The following DDAH1 variants were observed in gnomAD, a reference collection of about 807,000 sequenced individuals.
The protein encoded by DDAH1 is dimethylarginine dimethylaminohydrolase 1, also known as N(G),N(G)-dimethylarginine dimethylaminohydrolase 1.
Under a neutral mutation model 28.8 loss-of-function variants are expected in DDAH1, and 19 were observed. The observed-to-expected ratio is 0.66, with a 90% confidence interval of 0.46 to 0.97. The LOEUF (loss-of-function observed/expected upper bound fraction) is 0.97. Ranked by LOEUF, DDAH1 falls within the 50% of genes least tolerant of loss-of-function variation. The pLI is 0.00. For synonymous variants in DDAH1, 153 were observed against 154.4 expected (o/e 0.99, Z 0.07); for missense variants, 326 against 375.9 (o/e 0.87, Z 1.10).
chr1:85,474,095 T>C (rs1655712676), intron 2 of DDAH1, among the ~76,000 whole-genome samples: 1 of 152,228 alleles, frequency 6.6e-6, no homozygotes, highest in African/African-American at 2.4e-5. Context: ...ATCTGAGTGT[T>C]ATCCTTTGGC....
Position 85,358,861 on chromosome 1 carries a change from A to G in DDAH1, c.304-14T>C, listed in dbSNP as rs375609758. 3.2e-6 allele frequency: 5 copies of G among 1,554,556 alleles called. No individual in the cohort carries two copies. The highest frequency in any genetic ancestry group is 4.4e-6 in the Non-Finnish European group (5 of 1,138,606). ...CATCATGTCAACCTGTTGAAAATAA[A>G]ATGATTCAGATTACTATGCTACAAT... On this transcript the variant is annotated splice_polypyrimidine_tract_variant and intron_variant, in intron 1 of 5. Transcript: ENST00000284031.
chr1:85,484,557 C>T (rs193209839), intron 2 of DDAH1, among the ~76,000 whole-genome samples: 14 of 152,240 alleles, frequency 9.2e-5, no homozygotes, highest in African/African-American at 2.4e-4. Context: ...GTCCTCTGAG[C>T]TCTGCTAGTC....
chr1:85,476,196 C>G (rs188196503), intron 2 of DDAH1, among the ~76,000 whole-genome samples: 2 of 152,296 alleles, frequency 1.3e-5, no homozygotes, highest in Non-Finnish European at 2.9e-5. Context: ...TTATTTTGCC[C>G]TTCACCTACT....
chr1:85,457,006 A>G (rs1480814253), intron 1 of DDAH1, among the ~76,000 whole-genome samples: 1 of 152,168 alleles, frequency 6.6e-6, no homozygotes, highest in Non-Finnish European at 1.5e-5. Flanking sequence ...GGGGTTCCAG[A>G]CCATTATGGA....
At chr1:85,465,424 G>T (rs911022801), upstream of DDAH1, among the ~76,000 whole-genome samples, 1 of 150,766 alleles carries the variant, frequency 6.6e-6, no homozygotes, top group Middle Eastern at 3.2e-3. Flanking sequence ...GGCGGTACCT[G>T]TGTTCTGTCG....
chr1:85,572,916 CT>C (rs1268924352), intron 1 of DDAH1, among the ~76,000 whole-genome samples: 1 of 152,202 alleles, frequency 6.6e-6, no homozygotes, highest in Non-Finnish European at 1.5e-5. Flanking sequence ...TGGATGGATC[CT>C]TTTAATCATA....
intron 2 of DDAH1, among the ~76,000 whole-genome samples, chr1:85,476,498 C>A (rs72724659): frequency 1.3e-5 from 2 of 151,884 alleles, no homozygotes; most frequent in Non-Finnish European, 2.9e-5. Context: ...CAGCTCACCC[C>A]CTCCACACAG....
At chr1:85,328,056 ATG>A (rs1647522653) in intron 4 of DDAH1, among the ~76,000 whole-genome samples, 1 of 152,216 alleles carries the variant, frequency 6.6e-6, no homozygotes, top group Non-Finnish European at 1.5e-5. Context: ...GGTATGGTCT[ATG>A]TCCAGAAACA....
At chr1:85,484,540 A>T (rs1331070780) in intron 2 of DDAH1, among the ~76,000 whole-genome samples, 3 of 152,146 alleles carry the variant, frequency 2.0e-5, no homozygotes, top group African/African-American at 7.2e-5. Context: ...TCTGTGTTTA[A>T]GGCTTGGTCC....
At position 85,441,105 on chromosome 1, in the gene DDAH1, T is replaced by C. The variant is rs151314753; in HGVS notation, c.303+23638A>G. 2.3e-4 allele frequency among the ~76,000 whole-genome samples: 35 copies of C among 152,360 alleles called. No individual in the cohort carries two copies. The East Asian group carries it at 5.4e-3, about 23-fold the overall frequency. On this transcript the variant is annotated intron_variant, in intron 1 of 5. Coordinates refer to ENST00000284031, the MANE Select transcript of DDAH1 (RefSeq NM_012137.4). ...CGGTGAAGGCTCCATGTCTGACAGA[T>C]GCAGATAATAACAGAATTAAAGCAC...
At chr1:85,520,486 T>C (rs1286393274) in intron 1 of DDAH1, among the ~76,000 whole-genome samples, 4 of 152,238 alleles carry the variant, frequency 2.6e-5, no homozygotes, top group African/African-American at 4.8e-5. Context: ...GATGATACTG[T>C]TTGAAAATGC....
intron 1 of DDAH1, among the ~76,000 whole-genome samples, chr1:85,518,737 T>A (rs1225269138): frequency 3.9e-5 from 6 of 152,224 alleles, no homozygotes; most frequent in Non-Finnish European, 7.3e-5. Flanking sequence ...CCTTTTGCCA[T>A]GTAAGATAAA....
At chr1:85,484,899 G>C (rs1433732636) in intron 2 of DDAH1, among the ~76,000 whole-genome samples, 4 of 152,076 alleles carry the variant, frequency 2.6e-5, no homozygotes, top group Admixed American at 1.3e-4. Context: ...AGCAATTTAA[G>C]GGACACATGT....
chr1:85,325,367 GCA>G (rs569040999), intron 4 of DDAH1, among the ~76,000 whole-genome samples: 11 of 143,808 alleles, frequency 7.6e-5, no homozygotes, highest in South Asian at 2.3e-4. Flanking sequence ...GCGCGCGCGC[GCA>G]CACACACACG....
At chr1:85,533,037 T>C (rs1331058265) in intron 1 of DDAH1, among the ~76,000 whole-genome samples, 2 of 152,204 alleles carry the variant, frequency 1.3e-5, no homozygotes, top group Non-Finnish European at 2.9e-5. Flanking sequence ...ATAGTTGTCA[T>C]TTCTAGGTTT....
intron 1 of DDAH1, among the ~76,000 whole-genome samples, chr1:85,424,704 G>A (rs1006161228): frequency 1.3e-5 from 2 of 151,698 alleles, no homozygotes; most frequent in African/African-American, 4.8e-5. Context: ...TTTATCATAG[G>A]CATATATACC....
chr1:85,512,234 A>G (rs887584572), intron 1 of DDAH1, among the ~76,000 whole-genome samples: 12 of 152,176 alleles, frequency 7.9e-5, no homozygotes, highest in African/African-American at 2.9e-4. Context: ...CATAAACAGA[A>G]CCAAAGACAA....
chr1:85,379,232 C>A (rs532586959), intron 1 of DDAH1, among the ~76,000 whole-genome samples: 1 of 152,174 alleles, frequency 6.6e-6, no homozygotes, highest in Admixed American at 6.5e-5. Flanking sequence ...TTAAAAGCCA[C>A]CAGCTAGTTA....
Position 85,386,508 on chromosome 1 carries a change from G to A in DDAH1, c.304-27661C>T, listed in dbSNP as rs543563262. ...CAGAGCACACCGGTGCAAGGGGTGG[G>A]CTCCTAAGGCCTTAGGCAGTGCTGT... On this transcript the variant is annotated intron_variant, in intron 1 of 5. Coordinates refer to ENST00000284031, the MANE Select transcript of DDAH1 (RefSeq NM_012137.4). 2.0e-5 allele frequency among the ~76,000 whole-genome samples: 3 copies of A among 152,342 alleles called. No individual in the cohort carries two copies. The East Asian group carries it at 5.8e-4, about 29-fold the overall frequency.
Sources: gnomAD v4.1 joint callset for allele counts (sites outside exome capture counted in the v4.1 genomes callset) on GRCh38, gnomAD v4.1.1 for gene constraint, MANE v1.5 for transcripts, NCBI Gene and HGNC (gene_info 2026-07-23, HGNC 2026-07-21) for gene names.